Variants in ABTB3 observed in about 807,000 individuals in gnomAD.
The protein encoded by ABTB3 is ankyrin repeat and BTB domain containing 3.
the ABTB3 span, among the ~76,000 whole-genome samples, chr12:107,400,682 T>C: frequency 1.3e-5 from 2 of 152,036 alleles, no homozygotes; most frequent in Non-Finnish European, 2.9e-5. Flanking sequence ...GTGTTACCAT[T>C]GTTATTGGTT....
At chr12:107,398,744 G>A in the ABTB3 span, among the ~76,000 whole-genome samples, 2 of 152,156 alleles carry the variant, frequency 1.3e-5, no homozygotes, top group African/African-American at 4.8e-5. Flanking sequence ...TCTTATACAG[G>A]AGTCCAAACT....
chr12:107,326,417 T>C, the ABTB3 span, among the ~76,000 whole-genome samples: 2 of 152,176 alleles, frequency 1.3e-5, no homozygotes, highest in African/African-American at 2.4e-5. Flanking sequence ...ATCCAGCCAG[T>C]AGGTAGAGGG....
At chr12:107,331,302 C>T in the ABTB3 span, among the ~76,000 whole-genome samples, 2 of 152,224 alleles carry the variant, frequency 1.3e-5, no homozygotes, top group Non-Finnish European at 2.9e-5. Flanking sequence ...GCCACAGGTG[C>T]TTCCCGCCCT....
chr12:107,505,072 A>G, the ABTB3 span, among the ~76,000 whole-genome samples: 14 of 152,228 alleles, frequency 9.2e-5, no homozygotes, highest in African/African-American at 3.1e-4. Context: ...AGCTACATTT[A>G]TTTCAGGGAA....
chr12:107,431,882 C>A, the ABTB3 span, among the ~76,000 whole-genome samples: 1 of 152,198 alleles, frequency 6.6e-6, no homozygotes. Flanking sequence ...ACATCTGAGG[C>A]CCCGGCCTGG....
At chr12:107,599,897 T>C in the ABTB3 span, among the ~76,000 whole-genome samples, 2 of 152,236 alleles carry the variant, frequency 1.3e-5, no homozygotes, top group African/African-American at 2.4e-5. Flanking sequence ...TCACATCCTA[T>C]TGGCCTCTTT....
the ABTB3 span, among the ~76,000 whole-genome samples, chr12:107,520,924 C>T: frequency 1.6e-3 from 247 of 152,308 alleles, 6 homozygotes; most frequent in East Asian, 0.041. Context: ...ATATCAATGC[C>T]TACCCAGAGT....
At chr12:107,524,443 T>C in the ABTB3 span, among the ~76,000 whole-genome samples, 1 of 152,164 alleles carries the variant, frequency 6.6e-6, no homozygotes, top group Non-Finnish European at 1.5e-5. Flanking sequence ...AAAGGTGAGA[T>C]GGAGTTTGTT....
the ABTB3 span, among the ~76,000 whole-genome samples, chr12:107,620,548 G>A: frequency 1.3e-5 from 2 of 152,138 alleles, no homozygotes; most frequent in African/African-American, 4.8e-5. Flanking sequence ...GGAATGGGAG[G>A]GTGGGTACCC....
At chr12:107,408,643 G>A in the ABTB3 span, among the ~76,000 whole-genome samples, 18 of 152,192 alleles carry the variant, frequency 1.2e-4, no homozygotes, top group South Asian at 8.3e-4. Context: ...ATGAGGGTCT[G>A]GAAGCTCCTA....
chr12:107,469,371 C>T, the ABTB3 span, among the ~76,000 whole-genome samples: 2 of 152,212 alleles, frequency 1.3e-5, no homozygotes, highest in African/African-American at 4.8e-5. Context: ...GGGTTCAAAT[C>T]CTGGTCTGGC....
At chr12:107,377,188 A>G in the ABTB3 span, among the ~76,000 whole-genome samples, 1 of 152,102 alleles carries the variant, frequency 6.6e-6, no homozygotes, top group Non-Finnish European at 1.5e-5. Context: ...ATGTCCAGGG[A>G]CTGATTGATG....
At chr12:107,355,182 G>T in the ABTB3 span, among the ~76,000 whole-genome samples, 1 of 152,238 alleles carries the variant, frequency 6.6e-6, no homozygotes, top group African/African-American at 2.4e-5. Flanking sequence ...CCTCACAGGA[G>T]ACTCCGCCTT....
the ABTB3 span, among the ~76,000 whole-genome samples, chr12:107,527,977 G>C: frequency 0.26 from 38,804 of 152,084 alleles, 5,248 homozygotes; most frequent in Admixed American, 0.35. Context: ...TGAGAAAAGG[G>C]TGACAATACC....
chr12:107,497,097 A>G, the ABTB3 span, among the ~76,000 whole-genome samples: 2 of 152,142 alleles, frequency 1.3e-5, no homozygotes, highest in Admixed American at 1.3e-4. Context: ...TGCCTGGCAC[A>G]TAGTGGGTGT....
chr12:107,410,014 G>C, the ABTB3 span, among the ~76,000 whole-genome samples: 1 of 152,072 alleles, frequency 6.6e-6, no homozygotes, highest in Admixed American at 6.6e-5. Flanking sequence ...TTGAGCAACT[G>C]AACACGTTGC....
chr12:107,593,075 C>T, the ABTB3 span, among the ~76,000 whole-genome samples: 3 of 152,316 alleles, frequency 2.0e-5, no homozygotes, highest in East Asian at 5.8e-4. Context: ...AAAAGATACT[C>T]AGTGCTTTTC....
the ABTB3 span, among the ~76,000 whole-genome samples, chr12:107,573,673 T>A: frequency 1.3e-5 from 2 of 152,178 alleles, no homozygotes; most frequent in African/African-American, 4.8e-5. Context: ...TACTGGCAAG[T>A]TCAAAATCTG....
the ABTB3 span, among the ~76,000 whole-genome samples, chr12:107,451,488 TC>T: frequency 6.6e-6 from 1 of 152,282 alleles, no homozygotes; most frequent in South Asian, 2.1e-4. Flanking sequence ...CTCTAATTCA[TC>T]CTGTGCACAA....
Sources: gnomAD v4.1 joint callset for allele counts (sites outside exome capture counted in the v4.1 genomes callset) on GRCh38, gnomAD v4.1.1 for gene constraint, MANE v1.5 for transcripts, NCBI Gene and HGNC (gene_info 2026-07-23, HGNC 2026-07-21) for gene names.